DLG2: variants seen among roughly 807,000 people sequenced by gnomAD.
The protein encoded by DLG2 is discs large MAGUK scaffold protein 2, also known as disks large homolog 2.
DLG2 carries 45 observed loss-of-function variants against 132.5 expected under a neutral mutation model. That is an observed-to-expected ratio of 0.34 (90% CI 0.27 to 0.44). The LOEUF is 0.44. Among genes scored for constraint, DLG2 ranks in the 20% least tolerant of loss-of-function variants. The pLI, the probability that DLG2 is intolerant of heterozygous loss-of-function variation, is 1.00. For synonymous variants in DLG2, 424 were observed against 419.6 expected, an observed-to-expected ratio of 1.01 and a Z score of -0.13; for missense variants, 1,045 against 1,196.9, an observed-to-expected ratio of 0.87 and a Z score of 1.87.
In DLG2 at chr11:85,111,645, G is replaced by T. The variant is rs760484798; in HGVS notation, c.357+16C>A. The stretch of plus-strand genomic sequence containing the variant: ...TTTATCCTTCAATCTGCTAATCTTG[G>T]AATAATCAAACTTACAGTACAGTGG... On this transcript the variant is annotated intron_variant, in intron 6 of 27. Coordinates refer to ENST00000376104, the MANE Select transcript of DLG2 (RefSeq NM_001142699.3). 6.5e-7 allele frequency: 1 copy of T among 1,539,950 alleles called. No homozygotes were observed. The highest frequency in any genetic ancestry group is 1.2e-5 in the South Asian group (1 of 81,980).
chr11:83,627,441 C>T lies in DLG2; in HGVS notation c.1940+5770G>A, dbSNP rs187498211. On this transcript the variant is annotated intron_variant, in intron 19 of 27. Transcript: ENST00000376104. ...ATGTGTTCTCATTGTTCAATTCCCACCTATGAGTGAGAAGATGCGGTGTTT... is the reference window on the plus strand; with the variant it reads ...ATGTGTTCTCATTGTTCAATTCCCATCTATGAGTGAGAAGATGCGGTGTTT... Among the ~76,000 whole-genome samples, 754 of 152,100 alleles carry T rather than the reference C, an allele frequency of 5.0e-3. 43 individuals are homozygous for T. In the East Asian group the frequency reaches 0.12, roughly 25 times the overall value.
Position 83,823,046 on chromosome 11 carries a change from G to A in DLG2, c.1722+10568C>T, listed in dbSNP as rs76870262. 1.9e-3 allele frequency among the ~76,000 whole-genome samples: 291 copies of A among 152,224 alleles called. 1 individual carries two copies. The highest frequency in any genetic ancestry group is 6.9e-3 in the African/African-American group (285 of 41,504). On this transcript the variant is annotated intron_variant, in intron 17 of 27. Coordinates refer to ENST00000376104, the MANE Select transcript of DLG2 (RefSeq NM_001142699.3). ...TGAAGGTACCCTATGAGGATCAAAT[G>A]AGATAATCACAGTGAGATACTTTAT...
At chr11:85,490,873 G>C (rs1486749189) in intron 3 of DLG2, among the ~76,000 whole-genome samples, 1 of 151,930 alleles carries the variant, frequency 6.6e-6, no homozygotes, top group African/African-American at 2.4e-5. Context: ...CAATCCTCCT[G>C]AAACTTTTCA....
At chr11:85,077,853 C>T (rs1294877073) in intron 6 of DLG2, among the ~76,000 whole-genome samples, 1 of 151,960 alleles carries the variant, frequency 6.6e-6, no homozygotes, top group Non-Finnish European at 1.5e-5. Context: ...TTATATATGA[C>T]CAAGACATGC....
At chr11:83,706,267 T>A (rs1004517244) in intron 18 of DLG2, among the ~76,000 whole-genome samples, 1 of 152,102 alleles carries the variant, frequency 6.6e-6, no homozygotes, top group Non-Finnish European at 1.5e-5. Context: ...CTTAAAAATT[T>A]ATTTGACAAT....
chr11:85,479,383 A>G (rs286495), intron 3 of DLG2, among the ~76,000 whole-genome samples: 134,097 of 152,224 alleles, frequency 0.88, 59,823 homozygotes, highest in Middle Eastern at 0.97. Context: ...CTAAAGGCAC[A>G]AATCTCATTC....
chr11:85,542,304 T>C (rs1458437986), intron 3 of DLG2, among the ~76,000 whole-genome samples: 1 of 152,190 alleles, frequency 6.6e-6, no homozygotes, highest in Non-Finnish European at 1.5e-5. Context: ...CTCTTGGAAA[T>C]ATATTATGTT....
At chr11:84,534,817 A>C (rs1352171468) in intron 6 of DLG2, 86 bp from the exon 7 acceptor site, 1 of 1,461,776 alleles carries the variant, frequency 6.8e-7, no homozygotes, top group Admixed American at 1.7e-5. Context: ...TAACTTCATC[A>C]ATAGGACACA....
intron 3 of DLG2, among the ~76,000 whole-genome samples, chr11:85,579,161 C>G (rs898196378): frequency 2.6e-5 from 4 of 152,048 alleles, no homozygotes; most frequent in African/African-American, 7.2e-5. Context: ...CATGTTCTCA[C>G]TTATAAGTGA....
At chr11:84,012,449 T>G (rs78484204) in intron 11 of DLG2, among the ~76,000 whole-genome samples, 1,953 of 152,264 alleles carry the variant, frequency 0.013, 33 homozygotes, top group African/African-American at 0.045. Flanking sequence ...TTGACCACTG[T>G]TGGGTCATTC....
At chr11:84,556,542 G>A (rs1286328328) in intron 6 of DLG2, among the ~76,000 whole-genome samples, 1 of 152,062 alleles carries the variant, frequency 6.6e-6, no homozygotes, top group African/African-American at 2.4e-5. Context: ...TAAATAAATT[G>A]CAAAACAGTC....
At chr11:84,013,251 T>C (rs113538781) in intron 11 of DLG2, among the ~76,000 whole-genome samples, 39 of 152,302 alleles carry the variant, frequency 2.6e-4, no homozygotes, top group African/African-American at 8.7e-4. Flanking sequence ...TTCTTTGCTC[T>C]AAGTGAAGCA....
At chr11:85,578,196 G>T (rs1157329808) in intron 3 of DLG2, among the ~76,000 whole-genome samples, 1 of 152,036 alleles carries the variant, frequency 6.6e-6, no homozygotes, top group African/African-American at 2.4e-5. Context: ...ATATGCAGAA[G>T]ACTAAAACCA....
intron 6 of DLG2, among the ~76,000 whole-genome samples, chr11:84,958,109 T>C (rs992578352): frequency 9.9e-5 from 15 of 152,188 alleles, no homozygotes; most frequent in Non-Finnish European, 1.5e-4. Flanking sequence ...GTTTGAAGCA[T>C]AGAATGCACC....
intron 19 of DLG2, among the ~76,000 whole-genome samples, chr11:83,556,243 A>G (rs978703612): frequency 6.6e-6 from 1 of 152,250 alleles, no homozygotes. Flanking sequence ...GAGGAAGTCA[A>G]TAGCACATCC....
In DLG2 at chr11:84,928,982, G is replaced by GTATATATATA. The variant is rs58945482; in HGVS notation, c.357+182669_357+182678dup. ...TATGTGTGTGTGTGTGTGTGTGTGTGTATATATATATATATATATATATAT... is the reference window on the plus strand; with the variant it reads ...TATGTGTGTGTGTGTGTGTGTGTGTGTATATATATATATATATATATATATATATATATAT... On this transcript the variant is annotated intron_variant, in intron 6 of 27. Coordinates refer to ENST00000376104, the MANE Select transcript of DLG2 (RefSeq NM_001142699.3). 2.0e-3 allele frequency among the ~76,000 whole-genome samples: 99 copies of GTATATATATA among 49,086 alleles called. 1 individual carries two copies. Among genetic ancestry groups the GTATATATATA allele is most frequent in the African/African-American group, 5.3e-3 (59 of 11,090 alleles). 32.2% of individuals were successfully genotyped at this position (49,086 alleles called of 152,430 possible).
chr11:84,191,345 C>T (rs2096404568), intron 8 of DLG2, among the ~76,000 whole-genome samples: 1 of 152,062 alleles, frequency 6.6e-6, no homozygotes, highest in Admixed American at 6.5e-5. Context: ...TCTTTCCTTC[C>T]TGAGTCTACT....
At chr11:84,188,133 GA>G (rs1428983580) in intron 8 of DLG2, among the ~76,000 whole-genome samples, 1 of 152,048 alleles carries the variant, frequency 6.6e-6, no homozygotes, top group African/African-American at 2.4e-5. Context: ...TATGACCCAA[GA>G]TCCAGTTACT....
chr11:85,149,346 G>A (rs757538702), intron 5 of DLG2, among the ~76,000 whole-genome samples: 2 of 152,152 alleles, frequency 1.3e-5, no homozygotes, highest in Non-Finnish European at 2.9e-5. Flanking sequence ...GAGCAGTATG[G>A]CCATTTTCAT....
Sources: gnomAD v4.1 joint callset for allele counts (sites outside exome capture counted in the v4.1 genomes callset) on GRCh38, gnomAD v4.1.1 for gene constraint, MANE v1.5 for transcripts, NCBI Gene and HGNC (gene_info 2026-07-23, HGNC 2026-07-21) for gene names.